Variants in AUTS2 observed in about 807,000 individuals in gnomAD.
AUTS2 encodes activator of transcription and developmental regulator AUTS2, also known as autism susceptibility gene 2 protein.
In AUTS2, 17 loss-of-function variants were observed where a neutral mutation model predicts 112.4. That is an observed-to-expected ratio of 0.15 (90% confidence interval 0.10 to 0.23). AUTS2 has a LOEUF of 0.23. Among genes scored for constraint, AUTS2 ranks in the 10% least tolerant of loss-of-function variants. The probability of loss-of-function intolerance (pLI) is 1.00; values close to 1 mark genes in which losing one functional copy is unlikely to be tolerated. For synonymous variants in AUTS2, 751 were observed against 702.7 expected (o/e 1.07, Z -1.09); for missense variants, 1,510 against 1,701.6 (o/e 0.89, Z 1.98).
In AUTS2 at chr7:69,670,555, C is replaced by CAAAAAA. The variant is rs200373158; in HGVS notation, c.309+70624_309+70629dup. On this transcript the variant is annotated intron_variant, in intron 1 of 18. Coordinates refer to ENST00000342771, the MANE Select transcript of AUTS2 (RefSeq NM_015570.4). ...CATGGTTGTTTTTTACTTGATCCCT[C>CAAAAAA]AAAAAAAAAAAAAAAAAAAAAAAAA... 7.6e-5 allele frequency among the ~76,000 whole-genome samples: 9 copies of CAAAAAA among 119,062 alleles called. 1 individual carries two copies. The highest frequency in any genetic ancestry group is 2.7e-4 in the African/African-American group (8 of 30,024). The allele number at this position is 119,062 out of a possible 152,430, so 78.1% of individuals were successfully genotyped here.
chr7:69,636,491 C>CCCG lies in AUTS2; in HGVS notation c.309+36531_309+36532insGCC, dbSNP rs1554337497. The stretch of plus-strand genomic sequence containing the variant: ...CTCAAGTGATCCGCGCCCCCCCCCC[C>CCCG]CCTTGGCCTCCCAAAGTGCTAGGAT... On this transcript the variant is annotated intron_variant, in intron 1 of 18. Coordinates refer to ENST00000342771, the MANE Select transcript of AUTS2 (RefSeq NM_015570.4). Among the ~76,000 whole-genome samples the CCCG allele has an allele frequency of 4.5e-4, 44 of 97,544 alleles. 3 individuals are homozygous for CCCG. The highest frequency in any genetic ancestry group is 1.6e-3 in the African/African-American group (40 of 25,130). 64.0% of individuals were successfully genotyped at this position (97,544 alleles called of 152,430 possible). A position where few individuals can be genotyped will look rare whatever the true frequency, so the allele number is the denominator to read the frequency against.
intron 5 of AUTS2, among the ~76,000 whole-genome samples, chr7:70,616,753 G>GTTTTTTT (rs67691820): frequency 6.1e-5 from 8 of 131,288 alleles, no homozygotes; most frequent in Non-Finnish European, 8.0e-5. Context: ...GTGTCGAATA[G>GTTTTTTT]TTTTTTTTTT....
intron 3 of AUTS2, 76 bp from the exon 4 acceptor site, chr7:70,134,460 G>C: frequency 7.8e-7 from 1 of 1,277,864 alleles, no homozygotes; most frequent in Non-Finnish European, 1.1e-6. Context: ...CAAAGGGCTG[G>C]TAATGAGCTG....
chr7:70,595,257 C>T (rs1224294533), intron 5 of AUTS2, among the ~76,000 whole-genome samples: 2 of 152,170 alleles, frequency 1.3e-5, no homozygotes, highest in Non-Finnish European at 2.9e-5. Context: ...CTTCCATGCA[C>T]CTCCTTGGGC....
intron 4 of AUTS2, among the ~76,000 whole-genome samples, chr7:70,241,781 A>G (rs1418861963): frequency 9.9e-5 from 15 of 152,212 alleles, no homozygotes; most frequent in Non-Finnish European, 1.8e-4. Flanking sequence ...GAAGAAAGCC[A>G]TCATTTTACA....
chr7:69,978,884 ACACACACACACACACACG>A (rs1294031470), intron 2 of AUTS2, among the ~76,000 whole-genome samples: 2 of 150,462 alleles, frequency 1.3e-5, no homozygotes, highest in Non-Finnish European at 3.0e-5. Context: ...ACACACACAC[ACACACACACACACACACG>A]CACACACGCA....
rs35215443 is a variant in AUTS2 at position 70,185,257 on chromosome 7, C to CTTTTTTTTTTTTTT, written c.660+50700_660+50713dup. Among the ~76,000 whole-genome samples the CTTTTTTTTTTTTTT allele has an allele frequency of 1.1e-3, 92 of 87,110 alleles. 2 individuals carry two copies. The highest frequency in any genetic ancestry group is 1.3e-3 in the Non-Finnish European group (61 of 45,878). The allele number at this position is 87,110 out of a possible 152,430, so 57.1% of individuals were successfully genotyped here. A position where few individuals can be genotyped will look rare whatever the true frequency, so the allele number is the denominator to read the frequency against. On this transcript the variant is annotated intron_variant, in intron 4 of 18. Transcript: ENST00000342771. ...TGCTTTGGGCCTAAATGACATTAAA[C>CTTTTTTTTTTTTTT]TTTTTTTTTTTTTTTTTTTTTTTTT...
At chr7:70,784,742 TAAAAAAAAAAA>T (rs71077682) in intron 15 of AUTS2, 189 bp from the exon 16 acceptor site, 17,124 of 279,118 alleles carry the variant, frequency 0.061, 56 homozygotes, top group Middle Eastern at 0.083. Flanking sequence ...TTCTGCTTCC[TAAAAAAAAAAA>T]AAAAAAAAAA....
intron 5 of AUTS2, among the ~76,000 whole-genome samples, chr7:70,471,107 T>C (rs763189120): frequency 2.6e-5 from 4 of 152,184 alleles, no homozygotes; most frequent in Non-Finnish European, 5.9e-5. Flanking sequence ...GATATGTCTA[T>C]TTCACCGCAC....
chr7:70,689,775 C>CAAAAAAAAAAAAAAAAAAAAAAAAA (rs60869776), intron 5 of AUTS2, among the ~76,000 whole-genome samples: 1 of 74,704 alleles, frequency 1.3e-5, no homozygotes, highest in African/African-American at 5.0e-5. Context: ...GACTCCGTCT[C>CAAAAAAAAAAAAAAAAAAAAAAAAA]AAAAAAAAAA....
intron 1 of AUTS2, among the ~76,000 whole-genome samples, chr7:69,875,424 A>G (rs1340573628): frequency 2.0e-5 from 3 of 152,160 alleles, no homozygotes; most frequent in Non-Finnish European, 4.4e-5. Flanking sequence ...CCAGATTGCA[A>G]ATTTAGTGCT....
intron 1 of AUTS2, among the ~76,000 whole-genome samples, chr7:69,713,832 G>C (rs921845355): frequency 6.6e-6 from 1 of 152,052 alleles, no homozygotes; most frequent in Non-Finnish European, 1.5e-5. Context: ...TATTCTTCCA[G>C]CCTGTGGTTT....
chr7:70,716,139 T>C (rs1224822880), intron 6 of AUTS2, among the ~76,000 whole-genome samples: 3 of 152,160 alleles, frequency 2.0e-5, no homozygotes, highest in Non-Finnish European at 4.4e-5. Flanking sequence ...CCACGTATAT[T>C]GAGTGCCTAC....
intron 1 of AUTS2, among the ~76,000 whole-genome samples, chr7:69,785,205 A>G (rs528982033): frequency 1.3e-5 from 2 of 152,364 alleles, no homozygotes; most frequent in South Asian, 4.1e-4. Flanking sequence ...GCTAGCATGC[A>G]TAGGGACTGA....
chr7:69,726,659 C>T (rs543244350), intron 1 of AUTS2, among the ~76,000 whole-genome samples: 1 of 152,210 alleles, frequency 6.6e-6, no homozygotes, highest in South Asian at 2.1e-4. Context: ...ATTTTACATT[C>T]CCTCCTGCAT....
intron 5 of AUTS2, among the ~76,000 whole-genome samples, chr7:70,670,519 C>T (rs1420156338): frequency 6.6e-6 from 1 of 152,132 alleles, no homozygotes; most frequent in Non-Finnish European, 1.5e-5. Context: ...TACTTGGTTC[C>T]GGGTGACACA....
At chr7:70,688,685 C>T (rs975967764) in intron 5 of AUTS2, among the ~76,000 whole-genome samples, 2 of 152,122 alleles carry the variant, frequency 1.3e-5, no homozygotes, top group African/African-American at 2.4e-5. Context: ...ATTAGCCCAG[C>T]GTGGTGGCGC....
chr7:70,168,770 C>A (rs1216909746), intron 4 of AUTS2, among the ~76,000 whole-genome samples: 1 of 152,124 alleles, frequency 6.6e-6, no homozygotes, highest in African/African-American at 2.4e-5. Context: ...TTTAATATGA[C>A]TCTTTAATAA....
At chr7:70,509,249 T>TG (rs1389257777) in intron 5 of AUTS2, among the ~76,000 whole-genome samples, 1 of 152,232 alleles carries the variant, frequency 6.6e-6, no homozygotes, top group Non-Finnish European at 1.5e-5. Flanking sequence ...GCACCATTCC[T>TG]GCCCTCATGG....
Sources: gnomAD v4.1 joint callset for allele counts (sites outside exome capture counted in the v4.1 genomes callset) on GRCh38, gnomAD v4.1.1 for gene constraint, MANE v1.5 for transcripts, NCBI Gene and HGNC (gene_info 2026-07-23, HGNC 2026-07-21) for gene names.